AP2A1: variants seen among roughly 807,000 people sequenced by gnomAD.
The protein encoded by AP2A1 is adaptor related protein complex 2 subunit alpha 1.
A neutral mutation model predicts 107.3 loss-of-function variants in AP2A1; 21 were observed. That is an observed-to-expected ratio of 0.20 (90% CI 0.14 to 0.28). The LOEUF (loss-of-function observed/expected upper bound fraction) is 0.28. Ranked by LOEUF, AP2A1 falls within the 10% of genes least tolerant of loss-of-function variation. AP2A1 has a pLI of 1.00. For missense variants in AP2A1, 873 were observed against 1,307.7 expected (o/e 0.67, Z 5.13); for synonymous variants, 602 against 564.8 (o/e 1.07, Z -0.93).
At chr19:49,778,688 G>A (rs1407324909) in intron 1 of AP2A1, among the ~76,000 whole-genome samples, 1 of 152,110 alleles carries the variant, frequency 6.6e-6, no homozygotes, top group Admixed American at 6.6e-5. Context: ...GTCGAAATAA[G>A]GCATTAGAAT....
At position 49,799,337 on chromosome 19, in the gene AP2A1, C is replaced by T; in HGVS notation, c.976C>T (p.Leu326Phe). The change falls in exon 9 of 23, where the codon CTC (leucine) becomes TTC (phenylalanine). Residue 326 changes from leucine (L) to phenylalanine (F), a missense_variant. Leu to Phe is a conservative substitution (Grantham distance 22, BLOSUM62 0). This residue lies in a region of AP2A1 where 213 missense variants were observed against 443.5 expected (regional missense o/e 0.48). Transcript: ENST00000354293. ...GGCCCCTGCTGGCAGTGAGCCCAAC[C>T]TCCTGGTTCGGGCCTGCAACCAGCT... ...LIIHYDSEPN[L>F]LVRACNQLGQ... 1.2e-6 allele frequency: 2 copies of T among 1,610,648 alleles called. No homozygotes were observed. Among genetic ancestry groups the T allele is most frequent in the Non-Finnish European group, 1.7e-6 (2 of 1,179,468 alleles).
chr19:49,770,474 G>A (rs746178278), intron 1 of AP2A1, among the ~76,000 whole-genome samples: 3 of 152,178 alleles, frequency 2.0e-5, no homozygotes, highest in Admixed American at 6.5e-5. Flanking sequence ...CCAGCCCTGT[G>A]GGGGAGAAGG....
At chr19:49,800,184 C>A (rs376823198) in intron 11 of AP2A1, 34 bp downstream of exon 11, 1 of 1,576,172 alleles carries the variant, frequency 6.3e-7, no homozygotes. Flanking sequence ...TATGACCCCA[C>A]GACAGGACCT....
rs1168781575 is a variant in AP2A1 at position 49,805,559 on chromosome 19, G to A, written c.2451G>A (p.Leu817=). ...TGCGGGACTTCCTGACGCCCCCGCT[G>A]CTGTCCGTGCGCTTCCGGTGAGTCA... ...ECLRDFLTPP[L]LSVRFRYGGA... is the part of the protein sequence containing the mutation. The change falls in exon 19 of 23, where the codon CTG becomes CTA. Residue 817 remains leucine (L), a synonymous_variant. Transcript: ENST00000354293. 6.3e-7 allele frequency: 1 copy of A among 1,578,066 alleles called. No individual in the cohort carries two copies.
rs199849021 is a variant in AP2A1 at position 49,801,444 on chromosome 19, C to T, written c.1608C>T (p.Ala536=). 33 of 1,613,854 alleles carry T rather than the reference C, an allele frequency of 2.0e-5. No individual in the cohort carries two copies. Among genetic ancestry groups the T allele is most frequent in the African/African-American group, 2.7e-5 (2 of 75,014 alleles). ...LHSKFHLCSV[A]TRALLLSTYI... ...CCAAGTTCCATCTGTGCAGCGTGGCCACGCGGGCGCTGCTGCTGTCCACCT... is the reference window on the plus strand; with the variant it reads ...CCAAGTTCCATCTGTGCAGCGTGGCTACGCGGGCGCTGCTGCTGTCCACCT... Residue 536 remains alanine, a synonymous_variant, in exon 13 of 23, where the codon GCC becomes GCT. Coordinates refer to ENST00000354293, the MANE Select transcript of AP2A1 (RefSeq NM_130787.3).
chr19:49,802,357 C>T (rs749855477), intron 15 of AP2A1: 2 of 866,254 alleles, frequency 2.3e-6, no homozygotes, highest in Non-Finnish European at 3.7e-6. Context: ...ACCCTGGCCA[C>T]CCTTCGTTGT....
chr19:49,802,788 C>A, intron 15 of AP2A1, 161 bp from the exon 16 acceptor site: 1 of 1,012,356 alleles, frequency 9.9e-7, no homozygotes. Flanking sequence ...CCATTGGAGG[C>A]CACTGCTGGA....
At position 49,776,319 on chromosome 19, in the gene AP2A1, C is replaced by A. The variant is rs374316454; in HGVS notation, c.68-5438C>A. ...TGGTCCTCCTGCCTGGAGCGCGCCT[C>A]CCCTTGTTTCTGCCTGGTCCATTTC... is the stretch of plus-strand genomic sequence containing the variant. On this transcript the variant is annotated intron_variant, in intron 1 of 22. Coordinates refer to ENST00000354293, the MANE Select transcript of AP2A1 (RefSeq NM_130787.3). Among the ~76,000 whole-genome samples the A allele has an allele frequency of 1.1e-4, 16 of 152,260 alleles. 2 individuals carry two copies. The highest frequency in any genetic ancestry group is 9.8e-4 in the Admixed American group (15 of 15,280).
chr19:49,775,063 A>T (rs2084603935), intron 1 of AP2A1, among the ~76,000 whole-genome samples: 1 of 151,808 alleles, frequency 6.6e-6, no homozygotes. Context: ...TCCCCACCAC[A>T]AAAAAACTTT....
rs1328726928 is a variant in AP2A1 at position 49,806,115 on chromosome 19, C to T, written c.2656-4C>T. ...CACTCTGACGGCGCCCCCCCTCCTC[C>T]CAGCTTCTGGGGTTTGGCTCTGCTC... On this transcript the variant is annotated splice_polypyrimidine_tract_variant and splice_region_variant and intron_variant, in intron 21 of 22. Coordinates refer to ENST00000354293, the MANE Select transcript of AP2A1 (RefSeq NM_130787.3). 2 of 1,566,480 alleles carry T rather than the reference C, an allele frequency of 1.3e-6. No individual in the cohort carries two copies. Among genetic ancestry groups the T allele is most frequent in the Non-Finnish European group, 8.7e-7 (1 of 1,155,092 alleles).
At chr19:49,790,539 C>T (rs2073129162) in intron 4 of AP2A1, among the ~76,000 whole-genome samples, 1 of 152,208 alleles carries the variant, frequency 6.6e-6, no homozygotes. Context: ...GGTGGGTCTA[C>T]AGGCATGCGC....
At chr19:49,803,463 T>A in intron 18 of AP2A1, 87 bp downstream of exon 18, 1 of 1,067,648 alleles carries the variant, frequency 9.4e-7, no homozygotes, top group Non-Finnish European at 1.4e-6. Flanking sequence ...GGTCCACACT[T>A]CTCTTCAGCC....
rs2084510179 is a variant in AP2A1 at position 49,767,088 on chromosome 19, C to T, written c.-46C>T. Reference sequence around the variant, plus strand: ...GGTCCCCGCTTGCCAGCCCCCGCTGCTCTGTGCCCTGTCCGGCCAGGCCTG... The same window carrying T: ...GGTCCCCGCTTGCCAGCCCCCGCTGTTCTGTGCCCTGTCCGGCCAGGCCTG... On this transcript the variant is annotated 5_prime_UTR_variant, in exon 1 of 23. Transcript: ENST00000354293. 2 of 1,602,734 alleles carry T rather than the reference C, an allele frequency of 1.2e-6. No homozygotes were observed. Among genetic ancestry groups the T allele is most frequent in the African/African-American group, 1.3e-5 (1 of 74,694 alleles).
intron 15 of AP2A1, chr19:49,802,622 A>C: frequency 2.0e-6 from 2 of 983,410 alleles, no homozygotes; most frequent in Non-Finnish European, 2.9e-6. Flanking sequence ...CTGGGGTGGG[A>C]GGTCGGTCGG....
chr19:49,802,609 G>A, intron 15 of AP2A1: 11 of 1,583,692 alleles, frequency 6.9e-6, no homozygotes, highest in Non-Finnish European at 9.4e-6. Context: ...AGTAAGGGGT[G>A]GCCTGGGGTG....
intron 1 of AP2A1, among the ~76,000 whole-genome samples, chr19:49,772,958 G>A (rs1183111266): frequency 6.6e-6 from 1 of 151,816 alleles, no homozygotes; most frequent in Non-Finnish European, 1.5e-5. Context: ...AAGGTTTCAA[G>A]CAGGAGCGAG....
chr19:49,784,796 A>G (rs2084718224), intron 4 of AP2A1, among the ~76,000 whole-genome samples: 1 of 152,150 alleles, frequency 6.6e-6, no homozygotes, highest in Non-Finnish European at 1.5e-5. Flanking sequence ...TGAGCCTGGG[A>G]GGATGAGGCT....
intron 1 of AP2A1, among the ~76,000 whole-genome samples, chr19:49,767,792 G>A (rs2084518401): frequency 6.6e-6 from 1 of 152,012 alleles, no homozygotes; most frequent in African/African-American, 2.4e-5. Flanking sequence ...GAGATGATGG[G>A]ACGGGGAGAC....
chr19:49,785,539 T>G lies in AP2A1; in HGVS notation c.473+2815T>G, dbSNP rs2084726353. 6.6e-6 allele frequency among the ~76,000 whole-genome samples: 1 copy of G among 152,026 alleles called. No individual in the cohort carries two copies. The highest frequency in any genetic ancestry group is 1.5e-5 in the Non-Finnish European group (1 of 68,018). Reference sequence around the variant, plus strand: ...TGTGTATTAGACATCTGAGTAGGACTCTGGGGAGGAAGTTGGATTGCAGGG... The same window carrying G: ...TGTGTATTAGACATCTGAGTAGGACGCTGGGGAGGAAGTTGGATTGCAGGG... On this transcript the variant is annotated intron_variant, in intron 4 of 22. Coordinates refer to ENST00000354293, the MANE Select transcript of AP2A1 (RefSeq NM_130787.3). This position sits in a 1 kb window ranked among gnomAD's most constrained non-coding sequence, Gnocchi z 4.1.
Sources: gnomAD v4.1 joint callset for allele counts (sites outside exome capture counted in the v4.1 genomes callset) on GRCh38, gnomAD v4.1.1 for gene constraint, gnomAD v4.1.1 regional missense constraint, Gnocchi (gnomAD v3.1) non-coding constraint, MANE v1.5 for transcripts, NCBI Gene and HGNC (gene_info 2026-07-23, HGNC 2026-07-21) for gene names.